Variants in FRMPD4 observed in about 807,000 individuals in gnomAD.
FRMPD4 encodes the protein FERM and PDZ domain-containing protein 4.
Under a neutral mutation model 94.1 loss-of-function variants are expected in FRMPD4, and 22 were observed. That is an observed-to-expected ratio of 0.23 (90% CI 0.17 to 0.33). FRMPD4 has a LOEUF of 0.33. FRMPD4 is among the 10% of genes least tolerant of loss of function. The probability of loss-of-function intolerance (pLI) is 1.00; values close to 1 mark genes in which losing one functional copy is unlikely to be tolerated. For synonymous variants in FRMPD4, 631 were observed against 548.6 expected, an observed-to-expected ratio of 1.15 and a Z score of -2.10; for missense variants, 1,111 against 1,339.9, an observed-to-expected ratio of 0.83 and a Z score of 2.67.
intron 1 of FRMPD4, among the ~76,000 whole-genome samples, chrX:12,317,097 A>G (rs180772943): frequency 8.9e-6 from 1 of 112,080 alleles, no homozygotes; most frequent in East Asian, 2.8e-4. Context: ...TTTCAAGTAA[A>G]TGGCAAAGAC....
chrX:12,129,172 G>T (rs980316267), intron 3 of FRMPD4, among the ~76,000 whole-genome samples: 1 of 111,755 alleles, frequency 8.9e-6, no homozygotes, highest in African/African-American at 3.3e-5. Context: ...TACTGTATTA[G>T]TCCATTCTCA....
intron 2 of FRMPD4, among the ~76,000 whole-genome samples, chrX:12,594,215 T>G (rs1209620673): frequency 9.0e-6 from 1 of 111,664 alleles, no homozygotes; most frequent in Non-Finnish European, 1.9e-5. Context: ...CTGTTTGTGT[T>G]TTCCTTTGTA....
rs754288284 is a variant in FRMPD4 at position 12,717,807 on chromosome X, A to T, written c.2981A>T (p.His994Leu). Residue 994 changes from histidine (H) to leucine (L), a missense_variant, in exon 16 of 17, where the codon CAC becomes CTC. Coordinates refer to ENST00000675598, the MANE Select transcript of FRMPD4 (RefSeq NM_001368397.1). ...TCCAAGCAGTTACTTCACTCAGACC[A>T]CATGGAGATGGAGCCTGAAACTATG... ...VPSKQLLHSD[H>L]MEMEPETMET... The T allele has an allele frequency of 1.7e-6, 2 of 1,211,056 alleles. No homozygotes were observed. The highest frequency in any genetic ancestry group is 5.9e-5 in the East Asian group (2 of 33,846).
chrX:12,307,276 C>G (rs753146213), intron 1 of FRMPD4, among the ~76,000 whole-genome samples: 1 of 112,345 alleles, frequency 8.9e-6, no homozygotes, highest in Non-Finnish European at 1.9e-5. Flanking sequence ...AGGGAAGAGA[C>G]TAGATGTCAG....
At chrX:12,425,111 C>T (rs1196558134) in intron 1 of FRMPD4, among the ~76,000 whole-genome samples, 3 of 112,481 alleles carry the variant, frequency 2.7e-5, no homozygotes, top group African/African-American at 6.5e-5. Context: ...TAGAGTGTTG[C>T]CTTCTTCACA....
chrX:12,663,490 G>A (rs746081415), intron 4 of FRMPD4, among the ~76,000 whole-genome samples: 104 of 112,176 alleles, frequency 9.3e-4, no homozygotes, highest in African/African-American at 3.2e-3. Context: ...GTTTGTCAGA[G>A]ATCAGATGGT....
intron 1 of FRMPD4, among the ~76,000 whole-genome samples, chrX:12,427,082 T>A (rs2056954467): frequency 8.9e-6 from 1 of 111,899 alleles, no homozygotes. Flanking sequence ...GTAAGCATAA[T>A]GTAAAACATT....
At chrX:12,471,653 C>T (rs1286903563) in intron 1 of FRMPD4, among the ~76,000 whole-genome samples, 1 of 111,667 alleles carries the variant, frequency 9.0e-6, no homozygotes, top group African/African-American at 3.3e-5. Context: ...GGTATTCTGG[C>T]CAGGGAACAA....
At chrX:12,193,766 GAA>G (rs753890468) in intron 1 of FRMPD4, among the ~76,000 whole-genome samples, 1 of 19,787 alleles carries the variant, frequency 5.1e-5, no homozygotes, top group African/African-American at 1.9e-4. Context: ...AAGAAAGAAA[GAA>G]AGAAAGGAAG....
intron 3 of FRMPD4, among the ~76,000 whole-genome samples, chrX:12,000,664 AC>A (rs1236677176): frequency 1.8e-5 from 2 of 111,129 alleles, no homozygotes; most frequent in Non-Finnish European, 3.8e-5. Flanking sequence ...TTACAATCAT[AC>A]TTTTCCAGAC....
chrX:12,131,666 T>G (rs1257114392), intron 3 of FRMPD4, among the ~76,000 whole-genome samples: 2 of 111,521 alleles, frequency 1.8e-5, no homozygotes, highest in African/African-American at 6.5e-5. Context: ...TTGGTAGAAT[T>G]TGAGACATTT....
chrX:12,045,272 G>A (rs1245634474), intron 3 of FRMPD4, among the ~76,000 whole-genome samples: 1 of 111,590 alleles, frequency 9.0e-6, no homozygotes, highest in African/African-American at 3.3e-5. Flanking sequence ...TTATGGAAAA[G>A]GTTTGCAAGC....
intron 3 of FRMPD4, among the ~76,000 whole-genome samples, chrX:12,006,706 C>T (rs981594215): frequency 2.7e-5 from 3 of 111,860 alleles, no homozygotes; most frequent in Non-Finnish European, 3.8e-5. Context: ...TAATCTTACT[C>T]GATGAGACTG....
intron 1 of FRMPD4, among the ~76,000 whole-genome samples, chrX:12,183,981 C>T (rs1251304806): frequency 2.7e-5 from 3 of 109,614 alleles, no homozygotes; most frequent in African/African-American, 9.9e-5. Context: ...TCTTTAAATT[C>T]CCTGAAAATC....
intron 14 of FRMPD4, among the ~76,000 whole-genome samples, chrX:12,712,677 A>G (rs765587681): frequency 8.9e-6 from 1 of 112,254 alleles, no homozygotes; most frequent in East Asian, 2.8e-4. Flanking sequence ...AGAAAGAACA[A>G]AAAAGGAGGT....
At chrX:12,051,315 G>A (rs857532) in intron 3 of FRMPD4, among the ~76,000 whole-genome samples, 1,992 of 110,743 alleles carry the variant, frequency 0.018, 22 homozygotes, top group Middle Eastern at 0.061. Flanking sequence ...TACTTTTTTG[G>A]GTATCCAAGG....
intron 1 of FRMPD4, among the ~76,000 whole-genome samples, chrX:11,852,442 CAAAA>C (rs374590200): frequency 1.1e-4 from 6 of 52,632 alleles, no homozygotes; most frequent in Admixed American, 7.4e-4. Flanking sequence ...ACCCTGTCTC[CAAAA>C]AAAAAAAAAA....
At chrX:12,683,968 T>C (rs1009083732) in intron 6 of FRMPD4, among the ~76,000 whole-genome samples, 11 of 112,431 alleles carry the variant, frequency 9.8e-5, no homozygotes, top group African/African-American at 3.6e-4. Context: ...TTCCATATGA[T>C]AGTGCTTTAT....
Position 12,704,459 on chromosome X carries a change from C to A in FRMPD4, c.1171C>A (p.Gln391Lys), listed in dbSNP as rs1238062249. 1.1e-5 allele frequency: 13 copies of A among 1,185,736 alleles called. No individual in the cohort carries two copies. Among genetic ancestry groups the A allele is most frequent in the Non-Finnish European group, 1.2e-5 (11 of 880,520 alleles). Residue 391 changes from glutamine to lysine, a missense_variant, in exon 11 of 17, where the codon CAA (glutamine) becomes AAA (lysine). Coordinates refer to ENST00000675598, the MANE Select transcript of FRMPD4 (RefSeq NM_001368397.1). ...ACTTTCACACCTTGTCAAAGCAAAT[C>A]AAAACTTGGTACCACCGGGTAAAAA... ...KALSHLVKANQNLVPPGKKLS... is the reference protein window; with the variant it reads ...KALSHLVKANKNLVPPGKKLS...
Sources: gnomAD v4.1 joint callset for allele counts (sites outside exome capture counted in the v4.1 genomes callset) on GRCh38, gnomAD v4.1.1 for gene constraint, MANE v1.5 for transcripts, NCBI Gene and HGNC (gene_info 2026-07-23, HGNC 2026-07-21) for gene names.